FANCI: variants seen among roughly 807,000 people sequenced by gnomAD.
FANCI encodes FA complementation group I, also known as Fanconi anemia group I protein.
FANCI carries 156 observed loss-of-function variants against 176.1 expected under a neutral mutation model. The observed-to-expected ratio is 0.89, with a 90% CI of 0.78 to 1.01. The LOEUF is 1.01. Ranked by LOEUF, FANCI falls within the 50% of genes least tolerant of loss-of-function variation. FANCI has a pLI of 0.00. For synonymous variants in FANCI, 613 were observed against 541.7 expected (o/e 1.13, Z -1.83); for missense variants, 1,678 against 1,534.1 (o/e 1.09, Z -1.57).
At chr15:89,309,601 T>C (rs180773349) in intron 34 of FANCI, among the ~76,000 whole-genome samples, 2 of 152,190 alleles carry the variant, frequency 1.3e-5, no homozygotes, top group Admixed American at 6.5e-5. Flanking sequence ...TGTTTGCCTA[T>C]AGTCCCAGTT....
chr15:89,258,855 G>A, intron 3 of FANCI, 79 bp downstream of exon 3: 3 of 1,068,266 alleles, frequency 2.8e-6, no homozygotes, highest in Non-Finnish European at 4.4e-6. Context: ...TTTTCTTACG[G>A]TTTGAAGCCC....
intron 10 of FANCI, among the ~76,000 whole-genome samples, chr15:89,270,477 AGTAAT>A (rs1011142677): frequency 4.6e-5 from 7 of 152,178 alleles, no homozygotes; most frequent in African/African-American, 1.7e-4. Flanking sequence ...GGCCTAAATC[AGTAAT>A]TATACCAGGA....
intron 10 of FANCI, among the ~76,000 whole-genome samples, chr15:89,270,379 A>G (rs2053154721): frequency 6.6e-6 from 1 of 152,260 alleles, no homozygotes; most frequent in Non-Finnish European, 1.5e-5. Flanking sequence ...AGAAATCTAT[A>G]GGATCATAGT....
At chr15:89,297,814 GT>G (rs532915095) in intron 24 of FANCI, among the ~76,000 whole-genome samples, 1 of 146,736 alleles carries the variant, frequency 6.8e-6, no homozygotes, top group African/African-American at 2.6e-5. Context: ...TTTTGTTTTT[GT>G]TTTTTTTTCA....
intron 1 of FANCI, among the ~76,000 whole-genome samples, chr15:89,245,588 G>C (rs1427753416): frequency 1.3e-5 from 2 of 151,974 alleles, no homozygotes; most frequent in Non-Finnish European, 2.9e-5. Context: ...GTGGATGGAA[G>C]CAGGAATATT....
intron 32 of FANCI, among the ~76,000 whole-genome samples, chr15:89,307,094 A>G (rs1160323426): frequency 2.0e-5 from 3 of 152,230 alleles, no homozygotes; most frequent in African/African-American, 7.2e-5. Flanking sequence ...CCCGCATCAC[A>G]GCAGTGTGGC....
chr15:89,316,836 T>C lies in FANCI; in HGVS notation c.*377T>C, dbSNP rs115048121. On this transcript the variant is annotated 3_prime_UTR_variant, in exon 38 of 38. Transcript: ENST00000310775. The stretch of plus-strand genomic sequence containing the variant: ...AATATCCAGCGCTTCACCTGAAAGA[T>C]AGTGCAAATTGGTTAGGATGCCACC... The C allele has an allele frequency of 1.4e-3, 2,173 of 1,607,264 alleles. 31 individuals are homozygous for C. The African/African-American group carries it at 0.026, about 19-fold the overall frequency.
At chr15:89,274,599 C>CTTTTTTTTTTTTTTTTTT (rs1157910630) in intron 12 of FANCI, among the ~76,000 whole-genome samples, 4 of 82,834 alleles carry the variant, frequency 4.8e-5, no homozygotes, top group African/African-American at 1.6e-4. Context: ...TCTTTCTTTC[C>CTTTTTTTTTTTTTTTTTT]TTTTTTTTTT....
chr15:89,288,777 T>C (rs1476253447), intron 18 of FANCI, among the ~76,000 whole-genome samples: 1 of 151,948 alleles, frequency 6.6e-6, no homozygotes, highest in South Asian at 2.1e-4. Context: ...CACAAGCCAC[T>C]GCACCCAGCT....
In FANCI at chr15:89,315,452, G is replaced by T. The variant is rs1021378375; in HGVS notation, c.3924+63G>T. 1.9e-5 allele frequency: 22 copies of T among 1,163,328 alleles called. No individual in the cohort carries two copies. In the East Asian group the frequency reaches 4.9e-4, roughly 26 times the overall value. The allele number at this position is 1,163,328 out of a possible 1,614,324, so 72.1% of individuals were successfully genotyped here. A position where few individuals can be genotyped will look rare whatever the true frequency, so the allele number is the denominator to read the frequency against. On this transcript the variant is annotated intron_variant, in intron 37 of 37. Transcript: ENST00000310775. Reference sequence around the variant, plus strand: ...CCTAGCTGGTTAGCAGCCTATCTGGGAGCAGTCACAGATTAGTGGAAGGGC... The same window carrying T: ...CCTAGCTGGTTAGCAGCCTATCTGGTAGCAGTCACAGATTAGTGGAAGGGC...
At chr15:89,294,619 A>G (rs951305416) in intron 23 of FANCI, among the ~76,000 whole-genome samples, 3 of 142,398 alleles carry the variant, frequency 2.1e-5, no homozygotes, top group African/African-American at 7.4e-5. Context: ...TGACTGAATT[A>G]AAAATACAAA....
At position 89,243,996 on chromosome 15, in the gene FANCI, G is replaced by C. The variant is rs937376839; in HGVS notation, c.-57G>C. On this transcript the variant is annotated 5_prime_UTR_variant, in exon 1 of 38. Coordinates refer to ENST00000310775, the MANE Select transcript of FANCI (RefSeq NM_001113378.2). ...TTACGGGTAACGGAAGTGTGGCGGCGTTGGGTTGAGCGGGCTTTTTGGAAG... is the reference window on the plus strand; with the variant it reads ...TTACGGGTAACGGAAGTGTGGCGGCCTTGGGTTGAGCGGGCTTTTTGGAAG... The C allele has an allele frequency of 2.0e-5, 3 of 152,676 alleles. No individual in the cohort carries two copies. Among genetic ancestry groups the C allele is most frequent in the African/African-American group, 4.8e-5 (2 of 41,480 alleles). 9.5% of individuals were successfully genotyped at this position (152,676 alleles called of 1,614,324 possible).
At chr15:89,316,199 CTG>C (rs2055246221) in intron 37 of FANCI, 196 bp from the exon 38 acceptor site, 2 of 614,110 alleles carry the variant, frequency 3.3e-6, no homozygotes, top group Non-Finnish European at 5.8e-6. Context: ...GGAGGTGCCA[CTG>C]TCTTATTACT....
chr15:89,315,170 T>G, intron 36 of FANCI, 112 bp from the exon 37 acceptor site: 2 of 813,288 alleles, frequency 2.5e-6, no homozygotes, highest in Non-Finnish European at 4.4e-6. Flanking sequence ...GGGTGCGTGC[T>G]TGCTTTAGGT....
Position 89,316,422 on chromosome 15 carries a change from A to G in FANCI, c.3950A>G (p.Gln1317Arg). 6.2e-7 allele frequency: 1 copy of G among 1,611,998 alleles called. No individual in the cohort carries two copies. The highest frequency in any genetic ancestry group is 8.5e-7 in the Non-Finnish European group (1 of 1,178,704). The change falls in exon 38 of 38, where the codon CAG (glutamine) becomes CGG (arginine). Residue 1317 changes from glutamine to arginine, a missense_variant. This residue lies in a region of FANCI where 1,204 missense variants were observed against 1,077.4 expected (regional missense o/e 1.12). Coordinates refer to ENST00000310775, the MANE Select transcript of FANCI (RefSeq NM_001113378.2). ...EEGTASEHGGQNKEPAKKKRK... is the reference protein window; with the variant it reads ...EEGTASEHGGRNKEPAKKKRK... ...GGCACTGCATCAGAGCATGGGGGAC[A>G]GAACAAAGAACCAGCCAAGAAGAAA...
chr15:89,315,475 G>T, intron 37 of FANCI, 86 bp downstream of exon 37: 1 of 901,166 alleles, frequency 1.1e-6, no homozygotes, highest in Non-Finnish European at 1.8e-6. Flanking sequence ...TTAGTGGAAG[G>T]GCAACAGAAT....
intron 15 of FANCI, 43 bp from the exon 16 acceptor site, chr15:89,281,722 A>C: frequency 6.3e-7 from 1 of 1,585,878 alleles, no homozygotes; most frequent in Non-Finnish European, 8.7e-7. Flanking sequence ...CCTAAGGCTA[A>C]TAAGCAAACT....
At position 89,305,395 on chromosome 15, in the gene FANCI, G is replaced by A. The variant is rs375746069; in HGVS notation, c.3241G>A (p.Ala1081Thr). Reference protein sequence around the residue: ...HFAIVNLRTAAPTVCLLVLSQ... With the variant: ...HFAIVNLRTATPTVCLLVLSQ... Reference sequence around the variant, plus strand: ...TGCAATAGTGAATTTGAGAACGGCTGCCCCCACTGTCTGTGTAAGTGTTGT... The same window carrying A: ...TGCAATAGTGAATTTGAGAACGGCTACCCCCACTGTCTGTGTAAGTGTTGT... Residue 1081 changes from alanine to threonine, a missense_variant, in exon 30 of 38, where the codon GCC (alanine) becomes ACC (threonine). By Grantham distance (58) the Ala-to-Thr change is moderately conservative. Transcript: ENST00000310775. 32 of 1,613,580 alleles carry A rather than the reference G, an allele frequency of 2.0e-5. No homozygotes were observed. The highest frequency in any genetic ancestry group is 1.0e-4 in the Admixed American group (6 of 60,008).
intron 29 of FANCI, 44 bp downstream of exon 29, chr15:89,305,286 G>A (rs777567876): frequency 1.2e-6 from 2 of 1,614,126 alleles, no homozygotes; most frequent in Non-Finnish European, 1.7e-6. Context: ...GTGGGGATGG[G>A]GGTCAAGGGA....
Sources: allele counts gnomAD v4.1 joint callset (sites outside exome capture counted in the v4.1 genomes callset), GRCh38; gene constraint gnomAD v4.1.1; regional missense constraint gnomAD v4.1.1; transcripts MANE v1.5; gene names NCBI Gene and HGNC (gene_info 2026-07-23, HGNC 2026-07-21).